The following HMOX2 variants were observed in gnomAD, a reference collection of about 807,000 sequenced individuals.
HMOX2 encodes heme oxygenase 2, also known as heme oxygenase (decycling) 2.
A neutral mutation model predicts 33.7 loss-of-function variants in HMOX2; 30 were observed. The ratio of observed to expected loss-of-function variants is 0.89; its 90% CI spans 0.67 to 1.21. The LOEUF is 1.21. HMOX2 is among the 50% of genes most tolerant of loss of function. HMOX2 has a pLI of 0.00. For synonymous variants in HMOX2, 155 were observed against 155.0 expected, an observed-to-expected ratio of 1.00 and a Z score of 0.00; for missense variants, 403 against 399.1, an observed-to-expected ratio of 1.01 and a Z score of -0.08.
intron 2 of HMOX2, among the ~76,000 whole-genome samples, 195 bp from the exon 3 acceptor site, chr16:4,506,700 G>C (rs71388587): frequency 6.6e-6 from 1 of 152,198 alleles, no homozygotes; most frequent in African/African-American, 2.4e-5. Context: ...CCTTGGAGCA[G>C]AATGTCATGT....
In HMOX2 at chr16:4,505,722, T is replaced by G. The variant is rs2058674686; in HGVS notation, c.86+112T>G. The G allele has an allele frequency of 1.5e-5, 11 of 725,726 alleles. No individual in the cohort carries two copies. The South Asian group carries it at 2.1e-4, about 14-fold the overall frequency. 45.0% of individuals were successfully genotyped at this position (725,726 alleles called of 1,614,324 possible). On this transcript the variant is annotated intron_variant, in intron 2 of 5. Transcript: ENST00000570646. ...TGGGGAGTGGCCATGGGCCATGAGCTCTGGACCCCTGGGTGCCTGCTTGGC... is the reference window on the plus strand; with the variant it reads ...TGGGGAGTGGCCATGGGCCATGAGCGCTGGACCCCTGGGTGCCTGCTTGGC...
intron 1 of HMOX2, 149 bp downstream of exon 1, chr16:4,476,636 G>A (rs2057850113): frequency 6.6e-6 from 1 of 152,388 alleles, no homozygotes; most frequent in South Asian, 2.1e-4. Context: ...GGTCTGAGGG[G>A]AGACCCGGCC....
chr16:4,505,232 G>A (rs1226445297), intron 1 of HMOX2, among the ~76,000 whole-genome samples: 2 of 152,122 alleles, frequency 1.3e-5, no homozygotes, highest in Non-Finnish European at 2.9e-5. Flanking sequence ...TATAATCGCA[G>A]TACAATTATT....
At chr16:4,483,026 A>G (rs1001470951) in intron 1 of HMOX2, among the ~76,000 whole-genome samples, 1 of 151,296 alleles carries the variant, frequency 6.6e-6, no homozygotes, top group Non-Finnish European at 1.5e-5. Flanking sequence ...AGACTGGAAG[A>G]AAAAAAAAGG....
intron 1 of HMOX2, among the ~76,000 whole-genome samples, chr16:4,478,665 C>A (rs181896265): frequency 6.6e-5 from 10 of 150,798 alleles, no homozygotes; most frequent in Admixed American, 6.6e-4. Context: ...CTTGGGAGGC[C>A]GAGGCAGGAG....
intron 1 of HMOX2, among the ~76,000 whole-genome samples, chr16:4,486,137 C>T (rs747439547): frequency 6.6e-6 from 1 of 152,148 alleles, no homozygotes; most frequent in African/African-American, 2.4e-5. Flanking sequence ...TGACAAGTAC[C>T]CTTTCTTCCC....
chr16:4,497,871 T>A (rs1232511033), intron 1 of HMOX2, among the ~76,000 whole-genome samples: 1 of 152,146 alleles, frequency 6.6e-6, no homozygotes, highest in Non-Finnish European at 1.5e-5. Flanking sequence ...GTGCAGAGAT[T>A]ACAGGCTTGA....
intron 1 of HMOX2, among the ~76,000 whole-genome samples, chr16:4,497,445 C>T (rs2058449545): frequency 6.6e-6 from 1 of 152,196 alleles, no homozygotes; most frequent in Admixed American, 6.5e-5. Context: ...CTAAAGAATC[C>T]TCATCTTCTC....
In HMOX2 at chr16:4,509,407, T is replaced by C. The variant is rs1250962160; in HGVS notation, c.697-5T>C. 1 of 1,613,154 alleles carries C rather than the reference T, an allele frequency of 6.2e-7. No homozygotes were observed. Among genetic ancestry groups the C allele is most frequent in the Non-Finnish European group, 8.5e-7 (1 of 1,179,876 alleles). On this transcript the variant is annotated splice_polypyrimidine_tract_variant and splice_region_variant and intron_variant, in intron 4 of 5. Transcript: ENST00000570646. ...GATGGCTCAGTCGATCCTCTGCTCC[T>C]GCAGATATTCAATGAACTGGACCAG...
chr16:4,492,937 T>C (rs1049504976), intron 1 of HMOX2, among the ~76,000 whole-genome samples: 1 of 152,194 alleles, frequency 6.6e-6, no homozygotes, highest in Admixed American at 6.5e-5. Context: ...CTCAGAAGGC[T>C]GAGGCACAGG....
At chr16:4,479,182 A>G (rs142791200) in intron 1 of HMOX2, among the ~76,000 whole-genome samples, 5 of 152,240 alleles carry the variant, frequency 3.3e-5, no homozygotes, top group African/African-American at 9.6e-5. Flanking sequence ...AGAGTGAACA[A>G]TAAGTAGGAT....
intron 1 of HMOX2, among the ~76,000 whole-genome samples, chr16:4,488,205 C>T (rs193030521): frequency 1.3e-5 from 2 of 151,652 alleles, no homozygotes; most frequent in South Asian, 4.2e-4. Flanking sequence ...GGACAGTTGC[C>T]TTTTCCATTA....
At chr16:4,476,952 G>C (rs554178850) in intron 1 of HMOX2, among the ~76,000 whole-genome samples, 1 of 152,262 alleles carries the variant, frequency 6.6e-6, no homozygotes, top group Admixed American at 6.5e-5. Flanking sequence ...CCGGGGCTCT[G>C]CCCTTCCTCT....
upstream of HMOX2, among the ~76,000 whole-genome samples, chr16:4,475,488 T>A (rs2057794869): frequency 6.6e-6 from 1 of 151,704 alleles, no homozygotes; most frequent in African/African-American, 2.4e-5. Context: ...TTTTTTGTAT[T>A]TTTGGTAGAG....
chr16:4,482,887 G>A (rs7206454), intron 1 of HMOX2, among the ~76,000 whole-genome samples: 17,259 of 151,942 alleles, frequency 0.11, 2,046 homozygotes, highest in African/African-American at 0.3. Context: ...AAAATTAGCC[G>A]GGTGTGGTCG....
At chr16:4,487,820 A>G (rs913995307) in intron 1 of HMOX2, among the ~76,000 whole-genome samples, 18 of 150,440 alleles carry the variant, frequency 1.2e-4, no homozygotes, top group Admixed American at 9.3e-4. Context: ...GCGCGGTGGC[A>G]TATGCCTGTA....
chr16:4,486,470 C>G (rs2058170324), intron 1 of HMOX2, among the ~76,000 whole-genome samples: 1 of 152,170 alleles, frequency 6.6e-6, no homozygotes, highest in Non-Finnish European at 1.5e-5. Context: ...ATGTCTGTCC[C>G]TAATACAGGG....
At chr16:4,499,109 T>C (rs1227437969) in intron 1 of HMOX2, among the ~76,000 whole-genome samples, 5 of 152,226 alleles carry the variant, frequency 3.3e-5, no homozygotes, top group Non-Finnish European at 5.9e-5. Flanking sequence ...CCCAGAACTA[T>C]CTGAAATTGC....
chr16:4,485,876 A>ACCAC (rs1348397033), intron 1 of HMOX2, among the ~76,000 whole-genome samples: 1 of 152,026 alleles, frequency 6.6e-6, no homozygotes, highest in Non-Finnish European at 1.5e-5. Context: ...GGCACCTGCC[A>ACCAC]CCACGCCCGG....
Sources: allele counts gnomAD v4.1 joint callset (sites outside exome capture counted in the v4.1 genomes callset), GRCh38; gene constraint gnomAD v4.1.1; transcripts MANE v1.5; gene names NCBI Gene and HGNC (gene_info 2026-07-23, HGNC 2026-07-21).